CNTNAP2: variants seen among roughly 807,000 people sequenced by gnomAD.
CNTNAP2 encodes the protein contactin associated protein 2.
In CNTNAP2, 98 loss-of-function variants were observed where a neutral mutation model predicts 155.2. The observed-to-expected ratio is 0.63, with a 90% CI of 0.54 to 0.75. CNTNAP2 has a LOEUF of 0.75. CNTNAP2 is among the 30% of genes least tolerant of loss of function. CNTNAP2 has a pLI of 0.00. For missense variants in CNTNAP2, 1,727 were observed against 1,688.1 expected (o/e 1.02, Z -0.40); for synonymous variants, 651 against 631.2 (o/e 1.03, Z -0.47).
At chr7:146,506,465 A>G (rs928835564) in intron 1 of CNTNAP2, among the ~76,000 whole-genome samples, 2 of 152,232 alleles carry the variant, frequency 1.3e-5, no homozygotes, top group Non-Finnish European at 2.9e-5. Flanking sequence ...TGCTGCAGCC[A>G]TAGAGCTACA....
At chr7:147,248,117 T>C (rs369277696) in intron 8 of CNTNAP2, among the ~76,000 whole-genome samples, 41 of 152,040 alleles carry the variant, frequency 2.7e-4, no homozygotes, top group African/African-American at 9.9e-4. Context: ...GCAGGTTGGA[T>C]AACCGCACAC....
intron 1 of CNTNAP2, among the ~76,000 whole-genome samples, chr7:146,542,016 A>G (rs190616903): frequency 6.6e-6 from 1 of 151,702 alleles, no homozygotes; most frequent in Admixed American, 6.6e-5. Context: ...GAAAATAAAC[A>G]TTTTTTTTCA....
chr7:146,236,811 T>G (rs1799482027), intron 1 of CNTNAP2, among the ~76,000 whole-genome samples: 1 of 39,504 alleles, frequency 2.5e-5, no homozygotes, highest in Non-Finnish European at 6.6e-5. Context: ...TTGTAAGTTA[T>G]TAATTAATTA....
chr7:146,377,393 G>C (rs972591815), intron 1 of CNTNAP2, among the ~76,000 whole-genome samples: 2 of 152,080 alleles, frequency 1.3e-5, no homozygotes, highest in African/African-American at 4.8e-5. Context: ...GAGTGTCTAG[G>C]TTTAGGCTCC....
At chr7:146,430,307 C>CTATT (rs752223383) in intron 1 of CNTNAP2, among the ~76,000 whole-genome samples, 4 of 151,644 alleles carry the variant, frequency 2.6e-5, no homozygotes, top group Non-Finnish European at 5.9e-5. Context: ...GAAAGTATAT[C>CTATT]TATTTATTTA....
At chr7:146,376,544 A>G (rs1377024725) in intron 1 of CNTNAP2, among the ~76,000 whole-genome samples, 1 of 151,996 alleles carries the variant, frequency 6.6e-6, no homozygotes, top group Non-Finnish European at 1.5e-5. Flanking sequence ...AGTTTTCTAT[A>G]TTGGCTATTT....
At chr7:147,562,008 A>G in intron 11 of CNTNAP2, 130 bp from the exon 12 acceptor site, 1 of 1,217,106 alleles carries the variant, frequency 8.2e-7, no homozygotes, top group Admixed American at 1.9e-5. Flanking sequence ...TTAGAGACAA[A>G]GAACGCTCTT....
At chr7:146,436,551 C>G (rs1023999503) in intron 1 of CNTNAP2, among the ~76,000 whole-genome samples, 1 of 152,000 alleles carries the variant, frequency 6.6e-6, no homozygotes, top group African/African-American at 2.4e-5. Flanking sequence ...AATTCACATA[C>G]TTATAAAATA....
chr7:148,338,906 T>C (rs945623846), intron 21 of CNTNAP2, among the ~76,000 whole-genome samples: 4 of 152,098 alleles, frequency 2.6e-5, no homozygotes, highest in Non-Finnish European at 5.9e-5. Context: ...ACACAGGACG[T>C]AACCTGTGCT....
rs141266823 is a variant in CNTNAP2 at position 147,958,037 on chromosome 7, T to C, written c.2256-19825T>C. 5.2e-4 allele frequency among the ~76,000 whole-genome samples: 79 copies of C among 152,310 alleles called. 1 individual carries two copies. Among genetic ancestry groups the C allele is most frequent in the African/African-American group, 1.8e-3 (74 of 41,568 alleles). ...CTGCAGTGACAGATGTTTGCACCAC[T>C]GTACTTTAGCCTAAGTGATAGAGTG... On this transcript the variant is annotated intron_variant, in intron 14 of 23. Transcript: ENST00000361727.
intron 1 of CNTNAP2, among the ~76,000 whole-genome samples, chr7:146,753,655 A>G (rs1425471137): frequency 2.6e-5 from 4 of 152,092 alleles, no homozygotes; most frequent in Admixed American, 2.6e-4. Flanking sequence ...AAGTAAAAAT[A>G]GATTTATTTT....
intron 14 of CNTNAP2, among the ~76,000 whole-genome samples, chr7:147,956,406 C>T (rs1801017233): frequency 6.6e-6 from 1 of 151,948 alleles, no homozygotes; most frequent in Non-Finnish European, 1.5e-5. Context: ...CTGGAAATAT[C>T]CAAAAGAAAG....
At chr7:146,725,197 T>C (rs979164198) in intron 1 of CNTNAP2, among the ~76,000 whole-genome samples, 37 of 150,938 alleles carry the variant, frequency 2.5e-4, no homozygotes, top group African/African-American at 8.9e-4. Context: ...ACTGGTCATA[T>C]AGGATTAGGG....
chr7:147,510,199 G>A (rs772934674), intron 11 of CNTNAP2, among the ~76,000 whole-genome samples: 3 of 152,092 alleles, frequency 2.0e-5, no homozygotes, highest in Admixed American at 6.6e-5. Context: ...GGGGTTCTGC[G>A]TATTCTAATT....
intron 1 of CNTNAP2, among the ~76,000 whole-genome samples, chr7:146,355,256 A>G (rs1359603203): frequency 1.3e-5 from 2 of 152,232 alleles, no homozygotes; most frequent in Non-Finnish European, 2.9e-5. Flanking sequence ...GATTTAAGCC[A>G]TAGCCAGTAC....
chr7:147,143,998 G>T (rs1801650794), intron 8 of CNTNAP2, among the ~76,000 whole-genome samples: 1 of 151,976 alleles, frequency 6.6e-6, no homozygotes, highest in Admixed American at 6.6e-5. Context: ...CTTCAGGCTT[G>T]GGAATGCATT....
At chr7:146,936,970 T>C (rs1796929038) in intron 3 of CNTNAP2, among the ~76,000 whole-genome samples, 1 of 152,222 alleles carries the variant, frequency 6.6e-6, no homozygotes, top group Non-Finnish European at 1.5e-5. Flanking sequence ...ATAAAATGTG[T>C]TCATGAACAT....
At chr7:147,292,133 A>G (rs1805326619) in intron 8 of CNTNAP2, among the ~76,000 whole-genome samples, 1 of 151,808 alleles carries the variant, frequency 6.6e-6, no homozygotes, top group African/African-American at 2.4e-5. Flanking sequence ...CCTCTAGGAA[A>G]CCTCTGTTAG....
chr7:147,574,048 ATTTCTT>A (rs1259998728), intron 12 of CNTNAP2, among the ~76,000 whole-genome samples: 1 of 151,906 alleles, frequency 6.6e-6, no homozygotes, highest in African/African-American at 2.4e-5. Context: ...ATGTTCTTAC[ATTTCTT>A]TTTATTTATC....
Sources: gnomAD v4.1 joint callset for allele counts (sites outside exome capture counted in the v4.1 genomes callset) on GRCh38, gnomAD v4.1.1 for gene constraint, MANE v1.5 for transcripts, NCBI Gene and HGNC (gene_info 2026-07-23, HGNC 2026-07-21) for gene names.